Variants in RAP1GAP2 observed in about 807,000 individuals in gnomAD.
The protein encoded by RAP1GAP2 is rap1 GTPase-activating protein 2.
Under a neutral mutation model 95.0 loss-of-function variants are expected in RAP1GAP2, and 27 were observed. That is an observed-to-expected ratio of 0.28 (90% CI 0.21 to 0.39). The LOEUF (loss-of-function observed/expected upper bound fraction) is 0.39, where lower values mean the gene tolerates loss of function less well. RAP1GAP2 is among the 10% of genes least tolerant of loss of function. The pLI is 1.00. For synonymous variants in RAP1GAP2, 373 were observed against 380.9 expected (o/e 0.98, Z 0.24); for missense variants, 771 against 970.0 (o/e 0.79, Z 2.72).
intron 8 of RAP1GAP2, among the ~76,000 whole-genome samples, chr17:2,967,179 T>C (rs1032553528): frequency 2.8e-4 from 43 of 152,068 alleles, no homozygotes; most frequent in African/African-American, 8.2e-4. Context: ...CCATCCTGGC[T>C]AACACGGTGA....
intron 3 of RAP1GAP2, among the ~76,000 whole-genome samples, chr17:2,932,047 A>G (rs1306237875): frequency 6.6e-6 from 1 of 152,200 alleles, no homozygotes; most frequent in Non-Finnish European, 1.5e-5. Flanking sequence ...CCTGCTCTGC[A>G]CTAGGCCAGG....
intron 2 of RAP1GAP2, among the ~76,000 whole-genome samples, chr17:2,810,521 C>CTTTTT: frequency 8.8e-6 from 1 of 113,738 alleles, no homozygotes; most frequent in Admixed American, 9.1e-5. Context: ...GTCCCCCCAC[C>CTTTTT]CTTTTTTTTT....
intron 3 of RAP1GAP2, among the ~76,000 whole-genome samples, chr17:2,925,494 C>G (rs569007809): frequency 1.3e-5 from 2 of 152,282 alleles, no homozygotes; most frequent in South Asian, 4.1e-4. Flanking sequence ...AGAACTCACT[C>G]ACTGTCACGA....
intron 17 of RAP1GAP2, among the ~76,000 whole-genome samples, chr17:3,015,268 A>C (rs1338925153): frequency 1.3e-5 from 2 of 152,086 alleles, no homozygotes; most frequent in African/African-American, 4.8e-5. Context: ...TGCCCGATCA[A>C]ATCAGGGGTA....
At chr17:2,771,493 T>G (rs200749061) in intron 2 of RAP1GAP2, among the ~76,000 whole-genome samples, 9,988 of 148,292 alleles carry the variant, frequency 0.067, 504 homozygotes, top group East Asian at 0.21. Flanking sequence ...TTTGTTTTTT[T>G]TTTTTGTTTT....
intron 2 of RAP1GAP2, among the ~76,000 whole-genome samples, chr17:2,886,171 A>ATATT (rs1172583026): frequency 1.6e-5 from 2 of 123,352 alleles, no homozygotes; most frequent in African/African-American, 3.2e-5. Context: ...GTATATATAT[A>ATATT]TTTTTTTTTT....
upstream of RAP1GAP2, among the ~76,000 whole-genome samples, chr17:2,792,609 TGGTTTCTCCA>T (rs1400932030): frequency 5.3e-5 from 8 of 152,200 alleles, no homozygotes; most frequent in Non-Finnish European, 8.8e-5. Context: ...TGGATCCTCC[TGGTTTCTCCA>T]AGGTTCCTGG....
Position 2,907,494 on chromosome 17 carries a change from A to G in RAP1GAP2, c.165+2126A>G, listed in dbSNP as rs1309380081. On this transcript the variant is annotated intron_variant, in intron 3 of 24. Transcript: ENST00000254695. The stretch of plus-strand genomic sequence containing the variant: ...AAATAATGTCAGGAATGAGGGCTGC[A>G]CAGTTAAACGTGGTGAATATTCTAA... 1.3e-5 allele frequency among the ~76,000 whole-genome samples: 2 copies of G among 152,162 alleles called. 1 individual carries two copies. The highest frequency in any genetic ancestry group is 4.1e-4 in the South Asian group (2 of 4,820).
intron 2 of RAP1GAP2, among the ~76,000 whole-genome samples, chr17:2,847,827 T>A (rs1464032634): frequency 6.6e-6 from 1 of 152,176 alleles, no homozygotes; most frequent in Non-Finnish European, 1.5e-5. Flanking sequence ...CCTGATTCTC[T>A]GTACTGACTC....
chr17:2,766,924 G>A (rs142324581), intron 1 of RAP1GAP2, among the ~76,000 whole-genome samples: 53 of 151,868 alleles, frequency 3.5e-4, no homozygotes, highest in African/African-American at 1.2e-3. Context: ...CTTATGGGAA[G>A]TCCCCTCCCC....
intron 3 of RAP1GAP2, among the ~76,000 whole-genome samples, chr17:2,928,352 G>A (rs890928959): frequency 5.9e-5 from 9 of 152,106 alleles, no homozygotes; most frequent in Admixed American, 3.3e-4. Context: ...GCTTCTGTCC[G>A]GTTCTAATCA....
At chr17:2,795,704 G>A (rs1233269167), upstream of RAP1GAP2, among the ~76,000 whole-genome samples, 3 of 152,238 alleles carry the variant, frequency 2.0e-5, no homozygotes, top group Non-Finnish European at 2.9e-5. Context: ...GCGGGCACAT[G>A]TGTATGCGTT....
chr17:2,784,066 G>A (rs1407225477), intron 1 of RAP1GAP2, among the ~76,000 whole-genome samples: 2 of 152,092 alleles, frequency 1.3e-5, no homozygotes, highest in Non-Finnish European at 2.9e-5. Flanking sequence ...TCTACCTCCC[G>A]GGTTTAAGTG....
chr17:2,905,929 G>A (rs74689029), intron 3 of RAP1GAP2, among the ~76,000 whole-genome samples: 1,921 of 152,284 alleles, frequency 0.013, 48 homozygotes, highest in African/African-American at 0.043. Context: ...ACTCCTGGAC[G>A]GGAGCCGAGG....
At position 2,926,770 on chromosome 17, in the gene RAP1GAP2, C is replaced by T. The variant is rs189548139; in HGVS notation, c.165+21402C>T. Among the ~76,000 whole-genome samples, 80 of 151,804 alleles carry T rather than the reference C, an allele frequency of 5.3e-4. 2 individuals are homozygous for T. Among genetic ancestry groups the T allele is most frequent in the South Asian group, 2.9e-3 (14 of 4,806 alleles). ...CTGTAATCCTAGCACTTTGAGAGGC[C>T]GAGGCGGGCGGATCACCTGAGGTCA... On this transcript the variant is annotated intron_variant, in intron 3 of 24. Coordinates refer to ENST00000254695, the MANE Select transcript of RAP1GAP2 (RefSeq NM_015085.5).
At chr17:2,834,200 A>C (rs1364971300) in intron 2 of RAP1GAP2, among the ~76,000 whole-genome samples, 5 of 152,170 alleles carry the variant, frequency 3.3e-5, no homozygotes, top group Admixed American at 2.0e-4. Flanking sequence ...GACCCATCTT[A>C]AGAGGCTGGC....
intron 2 of RAP1GAP2, among the ~76,000 whole-genome samples, chr17:2,883,927 C>G (rs1476107539): frequency 6.6e-6 from 1 of 152,236 alleles, no homozygotes; most frequent in Non-Finnish European, 1.5e-5. Flanking sequence ...CTTTAGCCAA[C>G]CTTCGAGCAA....
intron 23 of RAP1GAP2, 32 bp downstream of exon 23, chr17:3,031,030 A>T: frequency 6.4e-7 from 1 of 1,552,066 alleles, no homozygotes; most frequent in Non-Finnish European, 8.8e-7. Context: ...CCCACACTCC[A>T]CTTTCTGCAG....
At chr17:2,864,877 T>C (rs1444333190) in intron 2 of RAP1GAP2, among the ~76,000 whole-genome samples, 1 of 152,156 alleles carries the variant, frequency 6.6e-6, no homozygotes, top group Non-Finnish European at 1.5e-5. Context: ...CGCGTCGCAG[T>C]ACAGAAACTC....
Sources: allele counts gnomAD v4.1 joint callset (sites outside exome capture counted in the v4.1 genomes callset), GRCh38; gene constraint gnomAD v4.1.1; transcripts MANE v1.5; gene names NCBI Gene and HGNC (gene_info 2026-07-23, HGNC 2026-07-21).